The following MAP3K13 variants were observed in gnomAD, a reference collection of about 807,000 sequenced individuals.
MAP3K13 encodes mitogen-activated protein kinase kinase kinase 13, also known as leucine zipper-bearing kinase.
MAP3K13 carries 52 observed loss-of-function variants against 104.0 expected under a neutral mutation model. That is an observed-to-expected ratio of 0.50 (90% CI 0.40 to 0.63). The LOEUF (loss-of-function observed/expected upper bound fraction) is 0.63. Ranked by LOEUF, MAP3K13 falls within the 20% of genes least tolerant of loss-of-function variation. The pLI is 0.00. For synonymous variants in MAP3K13, 394 were observed against 442.2 expected, an observed-to-expected ratio of 0.89 and a Z score of 1.37; for missense variants, 914 against 1,218.5, an observed-to-expected ratio of 0.75 and a Z score of 3.72.
intron 1 of MAP3K13, among the ~76,000 whole-genome samples, 200 bp downstream of exon 1, chr3:185,363,568 G>T (rs1431298627): frequency 3.3e-5 from 5 of 152,136 alleles, no homozygotes; most frequent in African/African-American, 1.2e-4. Flanking sequence ...GTTTTCCTTT[G>T]CTTGTCTGCC....
Position 185,468,495 on chromosome 3 carries a change from AG to A in MAP3K13, c.1643+1535del, listed in dbSNP as rs557336296. Among the ~76,000 whole-genome samples the A allele has an allele frequency of 3.3e-3, 505 of 152,280 alleles. 4 individuals carry two copies. Among genetic ancestry groups the A allele is most frequent in the Middle Eastern group, 6.8e-3 (2 of 294 alleles). Reference sequence around the variant, plus strand: ...GTAGAGACTCATTCCTCAATAACAGAGGGTTGGCTCTCTCCTAGCTAAGTTA... The same window carrying A: ...GTAGAGACTCATTCCTCAATAACAGAGGTTGGCTCTCTCCTAGCTAAGTTA... On this transcript the variant is annotated intron_variant, in intron 10 of 13. Coordinates refer to ENST00000265026, the MANE Select transcript of MAP3K13 (RefSeq NM_004721.5).
At chr3:185,398,800 T>C (rs1200229970) in intron 1 of MAP3K13, among the ~76,000 whole-genome samples, 3 of 152,220 alleles carry the variant, frequency 2.0e-5, no homozygotes, top group Non-Finnish European at 2.9e-5. Flanking sequence ...TCATTTTCTC[T>C]AGATGCTAAG....
chr3:185,353,311 T>C (rs999513219), intron 2 of MAP3K13, among the ~76,000 whole-genome samples: 1 of 152,088 alleles, frequency 6.6e-6, no homozygotes, highest in South Asian at 2.1e-4. Context: ...AGCACAGCCA[T>C]GGGATGGAAG....
chr3:185,449,944 C>G lies in MAP3K13; in HGVS notation c.1055C>G (p.Pro352Arg). ...VLWELLTGEI[P>R]YKDVDSSAII... ...TGGGAGCTGCTGACAGGAGAGATCC[C>G]TTACAAAGATGTAGATTCTTCAGCC... Residue 352 changes from proline to arginine, a missense_variant, in exon 6 of 14, where the codon CCT (proline) becomes CGT (arginine). Pro to Arg is a moderately radical substitution (Grantham distance 103). Around this residue, in one of 3 missense-constraint regions of MAP3K13, gnomAD observed 175 missense variants for 321.3 expected, o/e 0.54. Coordinates refer to ENST00000265026, the MANE Select transcript of MAP3K13 (RefSeq NM_004721.5). The G allele has an allele frequency of 6.2e-7, 1 of 1,613,544 alleles. No homozygotes were observed. The highest frequency in any genetic ancestry group is 8.5e-7 in the Non-Finnish European group (1 of 1,179,766).
At chr3:185,340,247 A>G (rs541756497) in intron 2 of MAP3K13, among the ~76,000 whole-genome samples, 4 of 152,236 alleles carry the variant, frequency 2.6e-5, no homozygotes, top group Non-Finnish European at 2.9e-5. Context: ...TGCAGTTCAC[A>G]TTAGGTGACA....
chr3:185,340,512 A>G (rs1019894043), intron 2 of MAP3K13, among the ~76,000 whole-genome samples: 26 of 152,178 alleles, frequency 1.7e-4, no homozygotes, highest in Admixed American at 1.6e-3. Context: ...CCTGAGGATG[A>G]TGAGAAACTT....
At chr3:185,372,041 T>C (rs551247830) in intron 1 of MAP3K13, among the ~76,000 whole-genome samples, 1 of 152,334 alleles carries the variant, frequency 6.6e-6, no homozygotes, top group East Asian at 1.9e-4. Context: ...AAATAATCTC[T>C]TGATTAAAGT....
chr3:185,430,265 A>G (rs772207910), intron 2 of MAP3K13, among the ~76,000 whole-genome samples: 33 of 152,254 alleles, frequency 2.2e-4, no homozygotes, highest in Admixed American at 5.9e-4. Context: ...TAATTCAAAT[A>G]TTAATATTAC....
chr3:185,466,711 G>A, intron 9 of MAP3K13, 115 bp from the exon 10 acceptor site: 2 of 1,253,252 alleles, frequency 1.6e-6, no homozygotes, highest in South Asian at 2.6e-5. Context: ...TAGCAGTCTT[G>A]TTATTCAAAT....
intron 2 of MAP3K13, among the ~76,000 whole-genome samples, chr3:185,349,864 C>T (rs1723073375): frequency 6.6e-6 from 1 of 152,196 alleles, no homozygotes; most frequent in Admixed American, 6.5e-5. Flanking sequence ...TGTGTGCGTA[C>T]ACTGCAGTAG....
chr3:185,454,909 T>TATATATGAGATATATATATGAG (rs1716314214), intron 7 of MAP3K13, among the ~76,000 whole-genome samples: 1 of 95,162 alleles, frequency 1.1e-5, no homozygotes, highest in East Asian at 2.7e-4. Context: ...ATATATATGA[T>TATATATGAGATATATATATGAG]ATATATATGA....
At chr3:185,456,513 T>A (rs183068172) in intron 7 of MAP3K13, among the ~76,000 whole-genome samples, 35 of 152,216 alleles carry the variant, frequency 2.3e-4, no homozygotes, top group Admixed American at 2.0e-3. Flanking sequence ...ACTTAACCCT[T>A]TTGTGAAATG....
At chr3:185,402,321 G>A (rs534623136) in intron 1 of MAP3K13, among the ~76,000 whole-genome samples, 3 of 152,138 alleles carry the variant, frequency 2.0e-5, no homozygotes, top group East Asian at 1.9e-4. Flanking sequence ...TTTATTTATT[G>A]TCAGGGTTTT....
rs776241463 is a variant in MAP3K13, at chr3:185,465,871, T to G, written c.1505+8T>G. The G allele has an allele frequency of 1.9e-6, 3 of 1,577,392 alleles. No homozygotes were observed. The Admixed American group carries it at 5.0e-5, about 26-fold the overall frequency. On this transcript the variant is annotated splice_region_variant and intron_variant, in intron 9 of 13. Transcript: ENST00000265026. Reference sequence around the variant, plus strand: ...GGAGAAGGAGCTCATTAAGTATGTATCCAGACTAGTGTCTGTTCTTACTGA... The same window carrying G: ...GGAGAAGGAGCTCATTAAGTATGTAGCCAGACTAGTGTCTGTTCTTACTGA...
At chr3:185,299,114 A>T (rs1285607698) in intron 2 of MAP3K13, among the ~76,000 whole-genome samples, 1 of 152,192 alleles carries the variant, frequency 6.6e-6, no homozygotes, top group African/African-American at 2.4e-5. Flanking sequence ...AATGAGAAAA[A>T]TCTTGATAAT....
At chr3:185,481,563 T>C (rs570611607) in intron 13 of MAP3K13, among the ~76,000 whole-genome samples, 9 of 152,186 alleles carry the variant, frequency 5.9e-5, no homozygotes, top group Non-Finnish European at 1.2e-4. Context: ...GATGCCATCA[T>C]AGGACATATA....
intron 1 of MAP3K13, among the ~76,000 whole-genome samples, chr3:185,375,243 A>G (rs1724367389): frequency 6.6e-6 from 1 of 152,188 alleles, no homozygotes; most frequent in Non-Finnish European, 1.5e-5. Context: ...GTGTCTACCC[A>G]GGCCAAGAGT....
In MAP3K13 at chr3:185,289,373, C is replaced by T. The variant is rs528242844; in HGVS notation, c.-86+3730C>T. Among the ~76,000 whole-genome samples the T allele has an allele frequency of 6.9e-4, 105 of 152,140 alleles. No homozygotes were observed. In the Middle Eastern group the frequency reaches 0.01, roughly 15 times the overall value. ...ATAGTGTAATAAAGTGATTTATTGT[C>T]GATGGGTTTAATCTCTTATTCCTAT... On this transcript the variant is annotated intron_variant, in intron 2 of 14. Transcript: ENST00000424227.
rs184607201 is a variant in MAP3K13, at chr3:185,389,370, A to C, written c.-86+26002A>C. Reference sequence around the variant, plus strand: ...GTCTCTAAGTTTCTCCTATGTATATAATAGGAATAATTACAGAACCTAACA... The same window carrying C: ...GTCTCTAAGTTTCTCCTATGTATATCATAGGAATAATTACAGAACCTAACA... On this transcript the variant is annotated intron_variant, in intron 1 of 13. Coordinates refer to ENST00000265026, the MANE Select transcript of MAP3K13 (RefSeq NM_004721.5). Among the ~76,000 whole-genome samples the C allele has an allele frequency of 3.7e-3, 569 of 152,282 alleles. 4 individuals are homozygous for C. The highest frequency in any genetic ancestry group is 4.4e-3 in the Non-Finnish European group (297 of 68,020).
Sources: gnomAD v4.1 joint callset for allele counts (sites outside exome capture counted in the v4.1 genomes callset) on GRCh38, gnomAD v4.1.1 for gene constraint, gnomAD v4.1.1 regional missense constraint, MANE v1.5 for transcripts, NCBI Gene and HGNC (gene_info 2026-07-23, HGNC 2026-07-21) for gene names.